Variants in EXOC6 observed in about 807,000 individuals in gnomAD.
EXOC6 encodes SEC15-like 1.
EXOC6 carries 60 observed loss-of-function variants against 112.5 expected under a neutral mutation model. The ratio of observed to expected loss-of-function variants is 0.53; its 90% CI spans 0.43 to 0.66. EXOC6 has a LOEUF of 0.66. Ranked by LOEUF, EXOC6 falls within the 30% of genes least tolerant of loss-of-function variation. The pLI, the probability that EXOC6 is intolerant of heterozygous loss-of-function variation, is 0.00. For missense variants in EXOC6, 855 were observed against 957.1 expected, an observed-to-expected ratio of 0.89 and a Z score of 1.41; for synonymous variants, 295 against 308.0, an observed-to-expected ratio of 0.96 and a Z score of 0.44.
chr10:92,954,515 G>T (rs1388640608), intron 15 of EXOC6, 115 bp from the exon 16 acceptor site: 9 of 514,148 alleles, frequency 1.8e-5, no homozygotes, highest in Non-Finnish European at 3.0e-5. Flanking sequence ...TTTATTTAAA[G>T]ATATAAAATA....
At chr10:92,979,541 C>T (rs1842754491) in intron 18 of EXOC6, among the ~76,000 whole-genome samples, 1 of 152,126 alleles carries the variant, frequency 6.6e-6, no homozygotes, top group Non-Finnish European at 1.5e-5. Context: ...ATTGTGGTAG[C>T]AGTGGAAACC....
upstream of EXOC6, among the ~76,000 whole-genome samples, chr10:92,843,772 G>A (rs1200341872): frequency 1.3e-5 from 2 of 152,054 alleles, no homozygotes; most frequent in Admixed American, 6.5e-5. Context: ...GGTGGATCAC[G>A]ATGTCAGGAG....
intron 18 of EXOC6, among the ~76,000 whole-genome samples, chr10:92,976,446 A>G (rs1440825487): frequency 1.3e-5 from 2 of 151,962 alleles, no homozygotes; most frequent in Non-Finnish European, 1.5e-5. Flanking sequence ...GTGCTTTGTT[A>G]AACAGATGCT....
At chr10:93,041,976 G>A (rs1845801453) in intron 20 of EXOC6, among the ~76,000 whole-genome samples, 2 of 152,222 alleles carry the variant, frequency 1.3e-5, no homozygotes, top group Non-Finnish European at 2.9e-5. Context: ...CTGTCAAAGT[G>A]CTGGTATTAC....
intron 1 of EXOC6, among the ~76,000 whole-genome samples, chr10:92,880,394 G>A (rs1000619558): frequency 6.6e-6 from 1 of 151,544 alleles, no homozygotes; most frequent in East Asian, 2.0e-4. Flanking sequence ...GTTGAATCCA[G>A]GGATACGGAA....
At chr10:92,908,346 C>T (rs1179835931) in intron 5 of EXOC6, among the ~76,000 whole-genome samples, 1 of 152,104 alleles carries the variant, frequency 6.6e-6, no homozygotes, top group African/African-American at 2.4e-5. Context: ...TGAGCCACCA[C>T]ACCTGGTGGG....
chr10:93,041,748 A>G (rs368975989), intron 20 of EXOC6, among the ~76,000 whole-genome samples: 110 of 150,334 alleles, frequency 7.3e-4, no homozygotes, highest in African/African-American at 2.4e-3. Flanking sequence ...GTCTTGCTCT[A>G]TCTCCCAGGC....
intron 18 of EXOC6, among the ~76,000 whole-genome samples, chr10:92,986,981 A>T (rs951930260): frequency 6.6e-6 from 1 of 152,186 alleles, no homozygotes; most frequent in African/African-American, 2.4e-5. Flanking sequence ...GCTGTAAAAT[A>T]ATTTAGTGTG....
chr10:93,002,035 T>C (rs1203801796), intron 19 of EXOC6, among the ~76,000 whole-genome samples: 1 of 152,230 alleles, frequency 6.6e-6, no homozygotes, highest in Non-Finnish European at 1.5e-5. Flanking sequence ...TTTCATATTC[T>C]ATAATTGATT....
At chr10:92,928,496 C>G in intron 9 of EXOC6, 74 bp downstream of exon 9, 1 of 845,268 alleles carries the variant, frequency 1.2e-6, no homozygotes, top group Non-Finnish European at 1.9e-6. Flanking sequence ...TTCTTCAAAG[C>G]ATGTATCACT....
At chr10:92,862,567 C>T (rs1042784484) in intron 1 of EXOC6, among the ~76,000 whole-genome samples, 2 of 152,136 alleles carry the variant, frequency 1.3e-5, no homozygotes, top group Non-Finnish European at 2.9e-5. Flanking sequence ...CTGCTGTGAT[C>T]TTGACTTCCC....
chr10:92,896,463 C>T (rs1264011777), intron 4 of EXOC6, among the ~76,000 whole-genome samples: 1 of 150,714 alleles, frequency 6.6e-6, no homozygotes, highest in Non-Finnish European at 1.5e-5. Context: ...TCCCAAAGTG[C>T]TAGGATTACA....
At chr10:93,044,276 G>A (rs1330985462) in intron 20 of EXOC6, among the ~76,000 whole-genome samples, 1 of 152,094 alleles carries the variant, frequency 6.6e-6, no homozygotes, top group African/African-American at 2.4e-5. Context: ...GGAAGTAAAT[G>A]GATAATTAGG....
chr10:92,831,094 T>C (rs576188074), upstream of EXOC6, among the ~76,000 whole-genome samples: 1 of 152,330 alleles, frequency 6.6e-6, no homozygotes, highest in South Asian at 2.1e-4. Flanking sequence ...AGGAAGATGC[T>C]GGTTTAGCCA....
intron 20 of EXOC6, among the ~76,000 whole-genome samples, chr10:93,037,397 A>G (rs1845561436): frequency 6.6e-6 from 1 of 150,876 alleles, no homozygotes; most frequent in Admixed American, 6.6e-5. Context: ...CAGCCACCCA[A>G]TGTGCGGGGA....
At chr10:92,982,506 T>A (rs1330595359) in intron 18 of EXOC6, among the ~76,000 whole-genome samples, 2 of 143,244 alleles carry the variant, frequency 1.4e-5, no homozygotes, top group Admixed American at 1.4e-4. Flanking sequence ...AATTAAGGCT[T>A]TTTCCCCAGA....
chr10:92,856,569 A>C (rs974770784), intron 1 of EXOC6, among the ~76,000 whole-genome samples: 5 of 152,242 alleles, frequency 3.3e-5, no homozygotes, highest in African/African-American at 9.6e-5. Flanking sequence ...GTATGACTTC[A>C]GTTTATTTTA....
intron 8 of EXOC6, among the ~76,000 whole-genome samples, chr10:92,922,779 AT>A (rs926447133): frequency 6.6e-6 from 1 of 151,978 alleles, no homozygotes; most frequent in Non-Finnish European, 1.5e-5. Flanking sequence ...TATAGGGATC[AT>A]TTTTTTTCTT....
At chr10:92,934,897 A>C (rs938542588) in intron 11 of EXOC6, among the ~76,000 whole-genome samples, 1 of 152,092 alleles carries the variant, frequency 6.6e-6, no homozygotes, top group Non-Finnish European at 1.5e-5. Flanking sequence ...GTGTAATGAG[A>C]GGTTTTTATA....
Sources: gnomAD v4.1 joint callset for allele counts (sites outside exome capture counted in the v4.1 genomes callset) on GRCh38, gnomAD v4.1.1 for gene constraint, MANE v1.5 for transcripts, NCBI Gene and HGNC (gene_info 2026-07-23, HGNC 2026-07-21) for gene names.